Variants in PCSK5 observed in about 807,000 individuals in gnomAD.
The protein encoded by PCSK5 is prohormone convertase 5.
Under a neutral mutation model 233.2 loss-of-function variants are expected in PCSK5, and 129 were observed. The observed-to-expected ratio is 0.55, with a 90% confidence interval of 0.48 to 0.64. The LOEUF is 0.64. Among genes scored for constraint, PCSK5 ranks in the 30% least tolerant of loss-of-function variants. The pLI is 0.00. For missense variants in PCSK5, 2,076 were observed against 2,430.1 expected (o/e 0.85, Z 3.06); for synonymous variants, 825 against 879.2 (o/e 0.94, Z 1.09).
At chr9:76,339,405 A>G (rs1829768659) in intron 35 of PCSK5, among the ~76,000 whole-genome samples, 1 of 152,126 alleles carries the variant, frequency 6.6e-6, no homozygotes, top group African/African-American at 2.4e-5. Flanking sequence ...GTATTTGGAT[A>G]TTGAGTAGCA....
intron 20 of PCSK5, among the ~76,000 whole-genome samples, chr9:76,203,611 T>C (rs1160452951): frequency 1.3e-5 from 2 of 152,030 alleles, no homozygotes; most frequent in Non-Finnish European, 2.9e-5. Flanking sequence ...TGATAACACC[T>C]TGATTTCAAT....
intron 5 of PCSK5, among the ~76,000 whole-genome samples, chr9:76,057,698 G>A (rs1829870227): frequency 6.6e-6 from 1 of 152,158 alleles, no homozygotes; most frequent in South Asian, 2.1e-4. Context: ...CATGTAATCT[G>A]TGCAGGGCTT....
At chr9:76,010,551 G>T (rs1827687044) in intron 3 of PCSK5, among the ~76,000 whole-genome samples, 1 of 152,186 alleles carries the variant, frequency 6.6e-6, no homozygotes. Context: ...TTTTTCTGCT[G>T]TGTTGACTGA....
At chr9:76,205,597 G>A (rs879293671) in intron 20 of PCSK5, among the ~76,000 whole-genome samples, 3 of 152,200 alleles carry the variant, frequency 2.0e-5, no homozygotes, top group Non-Finnish European at 2.9e-5. Context: ...TCCAAGGAAT[G>A]TAGGGACCAT....
intron 12 of PCSK5, among the ~76,000 whole-genome samples, chr9:76,167,955 C>T (rs1212474670): frequency 6.6e-6 from 1 of 152,158 alleles, no homozygotes; most frequent in East Asian, 1.9e-4. Flanking sequence ...TTGCCTCGCT[C>T]ACTTGCAATA....
At chr9:76,162,545 A>T (rs1206183168) in intron 12 of PCSK5, among the ~76,000 whole-genome samples, 2 of 152,006 alleles carry the variant, frequency 1.3e-5, no homozygotes, top group Non-Finnish European at 2.9e-5. Context: ...GTGGTGGGGA[A>T]AAAAAATGAA....
At chr9:76,188,761 T>G in intron 18 of PCSK5, 86 bp downstream of exon 18, 1 of 910,012 alleles carries the variant, frequency 1.1e-6, no homozygotes, top group South Asian at 1.4e-5. Context: ...GCAACCCACT[T>G]GATACTTTTA....
intron 21 of PCSK5, among the ~76,000 whole-genome samples, chr9:76,230,671 G>A (rs1826052017): frequency 6.6e-6 from 1 of 152,140 alleles, no homozygotes; most frequent in African/African-American, 2.4e-5. Flanking sequence ...ATTACTGCCT[G>A]AGCTCCATCT....
intron 32 of PCSK5, 136 bp from the exon 33 acceptor site, chr9:76,327,873 A>G: frequency 1.4e-6 from 1 of 700,034 alleles, no homozygotes; most frequent in Non-Finnish European, 2.6e-6. Context: ...ATGGCCCCAC[A>G]CCATTGGCCC....
chr9:76,274,887 G>A (rs1213621851), intron 24 of PCSK5, among the ~76,000 whole-genome samples: 1 of 152,106 alleles, frequency 6.6e-6, no homozygotes, highest in Non-Finnish European at 1.5e-5. Flanking sequence ...AGGGCTCCAG[G>A]CTGCTTCCAC....
chr9:76,262,870 C>T (rs1827221836), intron 24 of PCSK5, among the ~76,000 whole-genome samples: 1 of 151,714 alleles, frequency 6.6e-6, no homozygotes, highest in Non-Finnish European at 1.5e-5. Flanking sequence ...ATTTTCGCAA[C>T]CTGCTCATCT....
At chr9:76,164,878 G>A (rs932085267) in intron 12 of PCSK5, among the ~76,000 whole-genome samples, 5 of 151,960 alleles carry the variant, frequency 3.3e-5, no homozygotes, top group Non-Finnish European at 7.4e-5. Context: ...CCCACAAGAA[G>A]GAATGCATTT....
intron 2 of PCSK5, among the ~76,000 whole-genome samples, chr9:75,971,383 G>T (rs1587439850): frequency 6.6e-6 from 1 of 152,120 alleles, no homozygotes; most frequent in East Asian, 1.9e-4. Flanking sequence ...GAATAGTGCT[G>T]CAGTGAACAT....
rs1287279722 is a variant in PCSK5 at position 75,988,293 on chromosome 9, C to CT, written c.411+2060dup. The stretch of plus-strand genomic sequence containing the variant: ...AGGTTTTTCTTTTTTCTTTTCTTTT[C>CT]TTTTTTTTTTTTGACAGAGTCTCGC... On this transcript the variant is annotated intron_variant, in intron 3 of 37. Transcript: ENST00000674117. Among the ~76,000 whole-genome samples, 384 of 144,674 alleles carry CT rather than the reference C, an allele frequency of 2.7e-3. 1 individual carries two copies. The highest frequency in any genetic ancestry group is 5.5e-3 in the African/African-American group (218 of 39,830). 94.9% of individuals were successfully genotyped at this position (144,674 alleles called of 152,430 possible).
chr9:76,164,093 T>C (rs983202929), intron 12 of PCSK5, among the ~76,000 whole-genome samples: 11 of 152,084 alleles, frequency 7.2e-5, no homozygotes, highest in Non-Finnish European at 1.3e-4. Flanking sequence ...ATATTTTAAA[T>C]GTAGTGTTTA....
intron 1 of PCSK5, among the ~76,000 whole-genome samples, chr9:75,901,627 TAAA>T (rs34727969): frequency 1.5e-5 from 2 of 136,978 alleles, no homozygotes; most frequent in Non-Finnish European, 3.1e-5. Flanking sequence ...TCCCAGAACT[TAAA>T]AAAAAAAAAA....
chr9:76,068,113 T>A (rs1044559404), intron 6 of PCSK5, 70 bp downstream of exon 6: 15 of 1,092,246 alleles, frequency 1.4e-5, no homozygotes, highest in Non-Finnish European at 2.1e-5. Flanking sequence ...GCTTTCAGAA[T>A]CCTTTTTAAA....
chr9:76,246,892 C>T (rs753155285), intron 24 of PCSK5, among the ~76,000 whole-genome samples: 1 of 152,232 alleles, frequency 6.6e-6, no homozygotes, highest in Non-Finnish European at 1.5e-5. Flanking sequence ...CAGGCCACTT[C>T]CAAAATGGCG....
chr9:76,117,965 T>C lies in PCSK5; in HGVS notation c.1208+10614T>C, dbSNP rs539540903. Among the ~76,000 whole-genome samples, 42 of 152,236 alleles carry C rather than the reference T, an allele frequency of 2.8e-4. 1 individual carries two copies. The South Asian group carries it at 8.7e-3, about 32-fold the overall frequency. Reference sequence around the variant, plus strand: ...TGGAAGAATGTCGTAGCGAGCTTCCTGGAGAGAGTATGATACAGGAGTGAT... The same window carrying C: ...TGGAAGAATGTCGTAGCGAGCTTCCCGGAGAGAGTATGATACAGGAGTGAT... On this transcript the variant is annotated intron_variant, in intron 9 of 37. Coordinates refer to ENST00000674117, the MANE Select transcript of PCSK5 (RefSeq NM_001372043.1).
Sources: gnomAD v4.1 joint callset for allele counts (sites outside exome capture counted in the v4.1 genomes callset) on GRCh38, gnomAD v4.1.1 for gene constraint, MANE v1.5 for transcripts, NCBI Gene and HGNC (gene_info 2026-07-23, HGNC 2026-07-21) for gene names.